Variants in FNDC3B observed in about 807,000 individuals in gnomAD.
The protein encoded by FNDC3B is fibronectin type III domain-containing protein 3B.
In FNDC3B, 12 loss-of-function variants were observed where a neutral mutation model predicts 151.5. The ratio of observed to expected loss-of-function variants is 0.08; its 90% CI spans 0.05 to 0.13. The LOEUF (loss-of-function observed/expected upper bound fraction) is 0.13. Among genes scored for constraint, FNDC3B ranks in the 10% least tolerant of loss-of-function variants. The probability of loss-of-function intolerance (pLI) is 1.00; values close to 1 mark genes in which losing one functional copy is unlikely to be tolerated. For missense variants in FNDC3B, 1,214 were observed against 1,505.3 expected, an observed-to-expected ratio of 0.81 and a Z score of 3.20; for synonymous variants, 528 against 549.0, an observed-to-expected ratio of 0.96 and a Z score of 0.54.
intron 1 of FNDC3B, among the ~76,000 whole-genome samples, chr3:172,039,983 AG>A (rs1715933836): frequency 6.6e-6 from 1 of 151,378 alleles, no homozygotes; most frequent in South Asian, 2.1e-4. Context: ...GGGACCCGGG[AG>A]GGGGCGGCCC....
At chr3:172,288,691 A>G (rs1437078221) in intron 7 of FNDC3B, among the ~76,000 whole-genome samples, 2 of 152,220 alleles carry the variant, frequency 1.3e-5, no homozygotes, top group Non-Finnish European at 2.9e-5. Context: ...ATCCGCATTT[A>G]TATCTCATGC....
intron 6 of FNDC3B, among the ~76,000 whole-genome samples, chr3:172,277,554 C>T (rs1729495238): frequency 1.3e-5 from 2 of 152,102 alleles, no homozygotes; most frequent in Admixed American, 6.5e-5. Flanking sequence ...TTAAGATACA[C>T]GAATTTTGGG....
chr3:172,118,107 T>C (rs929783101), intron 2 of FNDC3B, among the ~76,000 whole-genome samples: 3 of 152,228 alleles, frequency 2.0e-5, no homozygotes, highest in Admixed American at 6.5e-5. Flanking sequence ...AGGCAGAATA[T>C]GTAACCAGAG....
At chr3:172,076,514 A>C (rs1718018854) in intron 1 of FNDC3B, among the ~76,000 whole-genome samples, 1 of 152,220 alleles carries the variant, frequency 6.6e-6, no homozygotes, top group Non-Finnish European at 1.5e-5. Flanking sequence ...CTTCATTGTG[A>C]GTTCCTCCTG....
chr3:172,149,581 G>A (rs1403297756), intron 3 of FNDC3B, among the ~76,000 whole-genome samples: 1 of 151,910 alleles, frequency 6.6e-6, no homozygotes, highest in African/African-American at 2.4e-5. Context: ...TCAAGTGTGG[G>A]CAGATTTCAA....
chr3:172,061,815 A>G (rs1194078500), intron 1 of FNDC3B, among the ~76,000 whole-genome samples: 2 of 152,230 alleles, frequency 1.3e-5, no homozygotes, highest in African/African-American at 4.8e-5. Flanking sequence ...TTCAGCGGAC[A>G]GGAAATGGTT....
intron 23 of FNDC3B, among the ~76,000 whole-genome samples, chr3:172,376,955 T>G (rs1031376212): frequency 2.0e-5 from 3 of 152,166 alleles, no homozygotes; most frequent in Non-Finnish European, 4.4e-5. Flanking sequence ...GGGACTGTGC[T>G]CCAGCACATG....
intron 3 of FNDC3B, among the ~76,000 whole-genome samples, chr3:172,224,454 T>C (rs946838057): frequency 6.6e-6 from 1 of 152,228 alleles, no homozygotes; most frequent in African/African-American, 2.4e-5. Context: ...TTGAGTGATT[T>C]GGTATATTAT....
At chr3:172,235,023 A>T (rs1376805246) in intron 4 of FNDC3B, among the ~76,000 whole-genome samples, 2 of 152,152 alleles carry the variant, frequency 1.3e-5, no homozygotes, top group Non-Finnish European at 2.9e-5. Flanking sequence ...GAACCCACTG[A>T]CAGACTGGGG....
At chr3:172,341,422 C>A (rs1019007306) in intron 17 of FNDC3B, among the ~76,000 whole-genome samples, 191 bp downstream of exon 17, 1 of 152,178 alleles carries the variant, frequency 6.6e-6, no homozygotes, top group African/African-American at 2.4e-5. Context: ...AAATGATTCC[C>A]TACTGAATTG....
chr3:172,173,854 G>A (rs530481276), intron 3 of FNDC3B, among the ~76,000 whole-genome samples: 12 of 152,054 alleles, frequency 7.9e-5, no homozygotes, highest in Middle Eastern at 3.4e-3. Context: ...GAAGCCTCCC[G>A]ATGTCCTAGG....
intron 2 of FNDC3B, among the ~76,000 whole-genome samples, chr3:172,132,484 C>T (rs1721155919): frequency 6.6e-6 from 1 of 152,256 alleles, no homozygotes; most frequent in African/African-American, 2.4e-5. Context: ...AGGCTTGCCA[C>T]AACTTCCGCC....
rs184723160 is a variant in FNDC3B, at chr3:172,298,118, A to C, written c.1002-610A>C. Among the ~76,000 whole-genome samples, 292 of 152,326 alleles carry C rather than the reference A, an allele frequency of 1.9e-3. 2 individuals carry two copies. The highest frequency in any genetic ancestry group is 6.7e-3 in the African/African-American group (278 of 41,568). ...GACACTGATATTTTTGAAGAACACA[A>C]AGTAAGTCACATGCACACACACCTT... On this transcript the variant is annotated intron_variant, in intron 8 of 25. Transcript: ENST00000415807.
At chr3:172,338,274 A>G (rs941636370) in intron 16 of FNDC3B, 1 of 142,670 alleles carries the variant, frequency 7.0e-6, no homozygotes, top group Non-Finnish European at 1.5e-5. Context: ...AGATTGCACC[A>G]CTGCACTCCA....
intron 25 of FNDC3B, among the ~76,000 whole-genome samples, chr3:172,391,313 A>G (rs538562691): frequency 1.2e-4 from 18 of 152,132 alleles, no homozygotes; most frequent in South Asian, 2.1e-4. Flanking sequence ...CTGATCCTCA[A>G]CCTCCTTTGG....
intron 3 of FNDC3B, among the ~76,000 whole-genome samples, chr3:172,166,950 A>T (rs529482054): frequency 6.6e-6 from 1 of 152,322 alleles, no homozygotes; most frequent in East Asian, 1.9e-4. Flanking sequence ...GCACATTTAG[A>T]TAGTGAAGGA....
chr3:172,176,376 G>A (rs1723594775), intron 3 of FNDC3B, among the ~76,000 whole-genome samples: 1 of 152,192 alleles, frequency 6.6e-6, no homozygotes. Flanking sequence ...GTAGTTTCTA[G>A]TGAGATTTCC....
rs369919572 is a variant in FNDC3B at position 172,373,377 on chromosome 3, G to A, written c.3009-4893G>A. Among the ~76,000 whole-genome samples the A allele has an allele frequency of 4.6e-5, 7 of 152,308 alleles. No homozygotes were observed. The East Asian group carries it at 7.7e-4, about 17-fold the overall frequency. On this transcript the variant is annotated intron_variant, in intron 23 of 25. Coordinates refer to ENST00000415807, the MANE Select transcript of FNDC3B (RefSeq NM_022763.4). ...GTGGTGTGATGTCCTAGGGCCTGTG[G>A]TGCATAAGCAGGTGGAATCTAAGCA...
intron 1 of FNDC3B, among the ~76,000 whole-genome samples, chr3:172,079,461 A>G (rs1343106612): frequency 1.3e-5 from 2 of 152,220 alleles, no homozygotes; most frequent in African/African-American, 2.4e-5. Context: ...TGAATTGGAC[A>G]GATACAGACC....
Sources: gnomAD v4.1 joint callset for allele counts (sites outside exome capture counted in the v4.1 genomes callset) on GRCh38, gnomAD v4.1.1 for gene constraint, MANE v1.5 for transcripts, NCBI Gene and HGNC (gene_info 2026-07-23, HGNC 2026-07-21) for gene names.